Variants in POLA1 observed in about 807,000 individuals in gnomAD.
POLA1 encodes the protein DNA polymerase alpha 1, catalytic subunit.
Under a neutral mutation model 124.0 loss-of-function variants are expected in POLA1, and 15 were observed. The observed-to-expected ratio is 0.12, with a 90% CI of 0.08 to 0.19. The LOEUF (loss-of-function observed/expected upper bound fraction) is 0.19. POLA1 is among the 10% of genes least tolerant of loss of function. POLA1 has a pLI of 1.00. For missense variants in POLA1, 886 were observed against 1,103.4 expected (o/e 0.80, Z 2.79); for synonymous variants, 408 against 389.4 (o/e 1.05, Z -0.56).
chrX:24,719,725 C>T (rs1184217713), intron 10 of POLA1, among the ~76,000 whole-genome samples: 1 of 112,056 alleles, frequency 8.9e-6, no homozygotes, highest in African/African-American at 3.2e-5. Context: ...ATTTCATTCC[C>T]TATCTTGGTT....
At chrX:24,972,902 G>A (rs1333272100) in intron 36 of POLA1, among the ~76,000 whole-genome samples, 1 of 112,490 alleles carries the variant, frequency 8.9e-6, no homozygotes, top group Non-Finnish European at 1.9e-5. Flanking sequence ...AACCAGCATG[G>A]TTGACAAGGC....
rs1300266480 is a variant in POLA1 at position 24,717,680 on chromosome X, T to C, written c.1009T>C (p.Leu337=). Residue 337 remains leucine (L), a synonymous_variant, in exon 10 of 37, where the codon TTG becomes CTG. Transcript: ENST00000379068. ...TCAAGTGGATTCCAGTCACCTCCCA[T>C]TGGTAAAAGGGGCAGATGAGGAACA... The part of the protein sequence containing the change: ...EVQVDSSHLP[L]VKGADEEQVF... The C allele has an allele frequency of 5.8e-6, 7 of 1,205,650 alleles. No individual in the cohort carries two copies. The South Asian group carries it at 7.1e-5, about 12-fold the overall frequency.
intron 1 of POLA1, among the ~76,000 whole-genome samples, chrX:24,696,150 A>C (rs1927983398): frequency 8.9e-6 from 1 of 112,507 alleles, no homozygotes; most frequent in African/African-American, 3.2e-5. Context: ...AGCAGACATG[A>C]TTATCCCCAT....
rs190564148 is a variant in POLA1 at position 24,950,944 on chromosome X, G to A, written c.4261+20395G>A. On this transcript the variant is annotated intron_variant, in intron 36 of 36. Coordinates refer to ENST00000379068, the MANE Select transcript of POLA1 (RefSeq NM_001330360.2). Reference sequence around the variant, plus strand: ...TGACCATTAGCTAAACTCTATCAGCGTTTATCATTAAATCCAAAATGACAT... The same window carrying A: ...TGACCATTAGCTAAACTCTATCAGCATTTATCATTAAATCCAAAATGACAT... 3.3e-3 allele frequency among the ~76,000 whole-genome samples: 374 copies of A among 111,812 alleles called. 1 individual carries two copies. The highest frequency in any genetic ancestry group is 0.01 in the African/African-American group (318 of 30,791).
At chrX:24,911,652 A>G (rs1295047796) in intron 35 of POLA1, among the ~76,000 whole-genome samples, 1 of 111,301 alleles carries the variant, frequency 9.0e-6, no homozygotes, top group Non-Finnish European at 1.9e-5. Context: ...GAGAAAATCA[A>G]TGAAACTAAA....
intron 1 of POLA1, among the ~76,000 whole-genome samples, chrX:24,696,239 G>T (rs1432800494): frequency 2.7e-5 from 3 of 112,243 alleles, no homozygotes. Flanking sequence ...CTACCAGATT[G>T]GTTAGAATTT....
chrX:24,973,202 C>CA (rs1198759891), intron 36 of POLA1, among the ~76,000 whole-genome samples: 11 of 110,971 alleles, frequency 9.9e-5, no homozygotes, highest in African/African-American at 3.3e-4. Context: ...ACTAAAAATA[C>CA]AAAAAATTAG....
intron 35 of POLA1, among the ~76,000 whole-genome samples, chrX:24,897,430 C>T (rs1323575253): frequency 9.3e-6 from 1 of 107,459 alleles, no homozygotes; most frequent in Non-Finnish European, 1.9e-5. Flanking sequence ...TCACTGGACT[C>T]CCCAAGGGCC....
At chrX:24,697,340 C>T (rs967664966) in intron 1 of POLA1, among the ~76,000 whole-genome samples, 5 of 111,588 alleles carry the variant, frequency 4.5e-5, no homozygotes, top group South Asian at 3.8e-4. Flanking sequence ...TGAGGGGAAT[C>T]GCTTTTCACT....
chrX:24,854,076 CA>C (rs1306140627), intron 34 of POLA1, among the ~76,000 whole-genome samples: 1 of 111,517 alleles, frequency 9.0e-6, no homozygotes, highest in African/African-American at 3.3e-5. Flanking sequence ...GACGGAGTCT[CA>C]CTCTGTCCCC....
chrX:24,736,715 A>G (rs1458815605), intron 18 of POLA1, among the ~76,000 whole-genome samples: 1 of 111,961 alleles, frequency 8.9e-6, no homozygotes, highest in African/African-American at 3.3e-5. Context: ...GTTCAGTGGT[A>G]TTAACTACAC....
chrX:24,942,282 A>G (rs2047916646), intron 36 of POLA1, among the ~76,000 whole-genome samples: 1 of 112,321 alleles, frequency 8.9e-6, no homozygotes, highest in South Asian at 3.7e-4. Context: ...CCAAAGTAGC[A>G]AAGCTTAGAA....
chrX:24,710,856 G>A (rs938869630), intron 4 of POLA1, among the ~76,000 whole-genome samples: 22 of 110,127 alleles, frequency 2.0e-4, no homozygotes, highest in South Asian at 3.9e-4. Context: ...AGTAGAGACC[G>A]GGTTTCACCA....
At chrX:24,899,754 GT>G (rs1807868894) in intron 35 of POLA1, among the ~76,000 whole-genome samples, 1 of 111,570 alleles carries the variant, frequency 9.0e-6, no homozygotes, top group Admixed American at 9.5e-5. Context: ...TTTCCTAAAA[GT>G]GAGGCGTATT....
intron 32 of POLA1, among the ~76,000 whole-genome samples, chrX:24,831,896 T>C (rs2046268571): frequency 8.9e-6 from 1 of 112,090 alleles, no homozygotes; most frequent in Admixed American, 9.4e-5. Flanking sequence ...TAGTCTACTT[T>C]TGTATTCAAT....
intron 32 of POLA1, among the ~76,000 whole-genome samples, chrX:24,830,836 G>A (rs911163458): frequency 9.0e-6 from 1 of 111,602 alleles, no homozygotes; most frequent in Non-Finnish European, 1.9e-5. Context: ...TATGTATAAC[G>A]GTACTTAGAA....
chrX:24,970,211 A>T (rs1329576099), intron 36 of POLA1, among the ~76,000 whole-genome samples: 1 of 112,275 alleles, frequency 8.9e-6, no homozygotes, highest in Non-Finnish European at 1.9e-5. Context: ...TGGGAAAAGG[A>T]TTCCCTATTT....
In POLA1 at chrX:24,743,326, G is replaced by A; in HGVS notation, c.2563G>A (p.Val855Ile). The change falls in exon 23 of 37, where the codon GTT becomes ATT. Residue 855 changes from valine (V) to isoleucine (I), a missense_variant. Physicochemically the swap from Val to Ile is conservative, Grantham distance 29. Coordinates refer to ENST00000379068, the MANE Select transcript of POLA1 (RefSeq NM_001330360.2). ...TGGAGGCTTGGTTTTGGACCCCAAA[G>A]TTGGTAAGGCTGGGCAGTGAATTGG... ...YAGGLVLDPK[V>I]GFYDKFILLL... The A allele has an allele frequency of 9.2e-7, 1 of 1,086,936 alleles. No individual in the cohort carries two copies. Among genetic ancestry groups the A allele is most frequent in the East Asian group, 3.1e-5 (1 of 32,747 alleles). 89.6% of individuals were successfully genotyped at this position (1,086,936 alleles called of 1,213,427 possible).
intron 35 of POLA1, among the ~76,000 whole-genome samples, chrX:24,930,058 A>G: frequency 1.8e-5 from 2 of 112,214 alleles, no homozygotes; most frequent in Middle Eastern, 9.2e-3. Context: ...TGTATTAAAC[A>G]GTTTTCAGAA....
Sources: allele counts gnomAD v4.1 joint callset (sites outside exome capture counted in the v4.1 genomes callset), GRCh38; gene constraint gnomAD v4.1.1; transcripts MANE v1.5; gene names NCBI Gene and HGNC (gene_info 2026-07-23, HGNC 2026-07-21).